Variants in COL8A1 observed in about 807,000 individuals in gnomAD.
COL8A1 encodes collagen type VIII alpha 1 chain.
COL8A1 carries 21 observed loss-of-function variants against 42.7 expected under a neutral mutation model. That is an observed-to-expected ratio of 0.49 (90% CI 0.35 to 0.71). The LOEUF is 0.71. Among genes scored for constraint, COL8A1 ranks in the 30% least tolerant of loss-of-function variants. The pLI is 0.01. For synonymous variants in COL8A1, 367 were observed against 369.1 expected (o/e 0.99, Z 0.06); for missense variants, 788 against 962.4 (o/e 0.82, Z 2.40).
intron 1 of COL8A1, among the ~76,000 whole-genome samples, chr3:99,669,783 C>T (rs1017851762): frequency 1.3e-5 from 2 of 151,986 alleles, no homozygotes; most frequent in African/African-American, 4.8e-5. Context: ...ACAACCAGAA[C>T]CTGACGGAGC....
chr3:99,734,069 G>A (rs1350667071), intron 1 of COL8A1, among the ~76,000 whole-genome samples: 1 of 152,000 alleles, frequency 6.6e-6, no homozygotes, highest in Admixed American at 6.6e-5. Context: ...ACATGAGTAG[G>A]TTGTGAAAAT....
chr3:99,709,651 T>G (rs1939781323), intron 1 of COL8A1, among the ~76,000 whole-genome samples: 1 of 152,154 alleles, frequency 6.6e-6, no homozygotes, highest in African/African-American at 2.4e-5. Context: ...CAAAAACTAG[T>G]ACCCACAGAA....
intron 1 of COL8A1, among the ~76,000 whole-genome samples, chr3:99,728,492 AT>A (rs1046815208): frequency 6.6e-6 from 1 of 152,060 alleles, no homozygotes; most frequent in African/African-American, 2.4e-5. Context: ...ACATAAAATG[AT>A]TTTACAGAGC....
At chr3:99,765,076 GA>G (rs1473221686) in intron 2 of COL8A1, among the ~76,000 whole-genome samples, 1 of 152,092 alleles carries the variant, frequency 6.6e-6, no homozygotes, top group Non-Finnish European at 1.5e-5. Flanking sequence ...AAATAACAAA[GA>G]TGATACAACA....
chr3:99,795,592 C>G lies in COL8A1; in HGVS notation c.1691C>G (p.Pro564Arg), dbSNP rs370341161. 3 of 1,611,780 alleles carry G rather than the reference C, an allele frequency of 1.9e-6. No individual in the cohort carries two copies. The highest frequency in any genetic ancestry group is 2.7e-5 in the African/African-American group (2 of 74,802). Residue 564 changes from proline to arginine, a missense_variant, in exon 4 of 4, where the codon CCT becomes CGT. Pro to Arg is a moderately radical substitution (Grantham distance 103). Coordinates refer to ENST00000652472, the MANE Select transcript of COL8A1 (RefSeq NM_020351.4). ...CCTGGCCTTCCAGGACCCCCAGGCC[C>G]TCCAGGACCTCCAGGACCCCCAGCT... is the stretch of plus-strand genomic sequence containing the variant. The part of the protein sequence containing the change: ...GQPGLPGPPG[P>R]PGPPGPPAVM...
At chr3:99,671,157 GA>G (rs1239793760) in intron 1 of COL8A1, among the ~76,000 whole-genome samples, 1 of 151,952 alleles carries the variant, frequency 6.6e-6, no homozygotes, top group Admixed American at 6.6e-5. Flanking sequence ...AAAGGAATAG[GA>G]ATAAAATTAT....
chr3:99,776,980 G>A (rs554462921), intron 2 of COL8A1, among the ~76,000 whole-genome samples: 1 of 152,162 alleles, frequency 6.6e-6, no homozygotes, highest in Non-Finnish European at 1.5e-5. Context: ...GAGGGCCAGA[G>A]GGCACTTTCA....
chr3:99,795,971 C>T lies in COL8A1; in HGVS notation c.2070C>T (p.Asp690=), dbSNP rs369054191. The change falls in exon 4 of 4, where the codon GAC becomes GAT. Residue 690 remains aspartate (D), a synonymous_variant. Transcript: ENST00000652472. The stretch of plus-strand genomic sequence containing the variant: ...ACGAGCCCGTGATGTACACGTACGA[C>T]GAGTACAAAAAGGGCTTCCTGGACC... The part of the protein sequence containing the change: ...KNNEPVMYTY[D]EYKKGFLDQA... 6.2e-6 allele frequency: 10 copies of T among 1,613,900 alleles called. No homozygotes were observed. Among genetic ancestry groups the T allele is most frequent in the Admixed American group, 1.7e-5 (1 of 59,994 alleles).
At chr3:99,738,407 T>C (rs1262970018) in intron 1 of COL8A1, among the ~76,000 whole-genome samples, 1 of 152,222 alleles carries the variant, frequency 6.6e-6, no homozygotes, top group Non-Finnish European at 1.5e-5. Flanking sequence ...GTTTTTGGTG[T>C]GGATGTCCTT....
At chr3:99,685,479 G>A (rs1353675078) in intron 1 of COL8A1, 3 of 152,130 alleles carry the variant, frequency 2.0e-5, no homozygotes, top group Non-Finnish European at 4.4e-5. Context: ...GTGTCAACGT[G>A]AAGTTAAGAA....
rs1376884721 is a variant in COL8A1 at position 99,670,962 on chromosome 3, GTGTT to G, written c.-129+32302_-129+32305del. On this transcript the variant is annotated intron_variant, in intron 1 of 3. Transcript: ENST00000652472. ...TCATCCGGGGTGTGTGTGTGTGTGT[GTGTT>G]TGTGTGTGTGAATTTGAGTAATGTG... is the stretch of plus-strand genomic sequence containing the variant. 7.9e-5 allele frequency among the ~76,000 whole-genome samples: 12 copies of G among 151,954 alleles called. No homozygotes were observed. In the South Asian group the frequency reaches 2.1e-3, roughly 26 times the overall value.
rs1029379128 is a variant in COL8A1, at chr3:99,713,663, G to A, written c.-128-31234G>A. 5.3e-5 allele frequency among the ~76,000 whole-genome samples: 8 copies of A among 152,050 alleles called. No homozygotes were observed. The East Asian group carries it at 7.7e-4, about 15-fold the overall frequency. On this transcript the variant is annotated intron_variant, in intron 1 of 3. Coordinates refer to ENST00000652472, the MANE Select transcript of COL8A1 (RefSeq NM_020351.4). Reference sequence around the variant, plus strand: ...TGGTGAGCTAAGCACCTTGCCAGACGGCTGTCATGAGCCCTGTTTAATCCT... The same window carrying A: ...TGGTGAGCTAAGCACCTTGCCAGACAGCTGTCATGAGCCCTGTTTAATCCT...
At chr3:99,654,797 A>G (rs1481138296) in intron 1 of COL8A1, among the ~76,000 whole-genome samples, 1 of 152,134 alleles carries the variant, frequency 6.6e-6, no homozygotes, top group Non-Finnish European at 1.5e-5. Context: ...CAAAAAAAAA[A>G]AGCACAATGT....
intron 2 of COL8A1, among the ~76,000 whole-genome samples, chr3:99,753,277 C>G (rs1941188302): frequency 6.6e-6 from 1 of 152,186 alleles, no homozygotes; most frequent in Non-Finnish European, 1.5e-5. Flanking sequence ...CTTCTTGACA[C>G]AGGATCCTGA....
intron 2 of COL8A1, among the ~76,000 whole-genome samples, chr3:99,789,345 G>A (rs1941953319): frequency 6.6e-6 from 1 of 152,112 alleles, no homozygotes; most frequent in Non-Finnish European, 1.5e-5. Context: ...TTTTCCAGAA[G>A]ATACTTACAT....
chr3:99,753,176 A>C (rs757463113), intron 2 of COL8A1, among the ~76,000 whole-genome samples: 3 of 152,190 alleles, frequency 2.0e-5, no homozygotes, highest in Non-Finnish European at 4.4e-5. Context: ...AGCAGATCTG[A>C]TGGGGCCCAA....
chr3:99,705,784 T>C (rs1160756254), intron 1 of COL8A1, among the ~76,000 whole-genome samples: 1 of 152,166 alleles, frequency 6.6e-6, no homozygotes, highest in Non-Finnish European at 1.5e-5. Flanking sequence ...CCCCCCGGTA[T>C]GATATTTTTT....
intron 1 of COL8A1, among the ~76,000 whole-genome samples, chr3:99,712,725 C>G (rs1027788973): frequency 2.6e-5 from 4 of 152,084 alleles, no homozygotes; most frequent in Non-Finnish European, 5.9e-5. Context: ...GAGAATTAGA[C>G]AGACATGGAA....
chr3:99,758,147 G>A (rs749964227), intron 2 of COL8A1, among the ~76,000 whole-genome samples: 2 of 152,144 alleles, frequency 1.3e-5, no homozygotes, highest in Non-Finnish European at 2.9e-5. Flanking sequence ...GGTATGAGCA[G>A]GAGCCCAAAG....
Sources: gnomAD v4.1 joint callset for allele counts (sites outside exome capture counted in the v4.1 genomes callset) on GRCh38, gnomAD v4.1.1 for gene constraint, MANE v1.5 for transcripts, NCBI Gene and HGNC (gene_info 2026-07-23, HGNC 2026-07-21) for gene names.